ABCA9: variants seen among roughly 807,000 people sequenced by gnomAD.
ABCA9 encodes ATP binding cassette subfamily A member 9.
In ABCA9, 183 loss-of-function variants were observed where a neutral mutation model predicts 205.3. That is an observed-to-expected ratio of 0.89 (90% CI 0.79 to 1.01). The LOEUF is 1.01. Ranked by LOEUF, ABCA9 falls within the 50% of genes least tolerant of loss-of-function variation. The pLI, the probability that ABCA9 is intolerant of heterozygous loss-of-function variation, is 0.00. For missense variants in ABCA9, 1,805 were observed against 1,912.4 expected, an observed-to-expected ratio of 0.94 and a Z score of 1.05; for synonymous variants, 651 against 683.3, an observed-to-expected ratio of 0.95 and a Z score of 0.74.
At chr17:68,993,586 C>A (rs1357177574) in intron 26 of ABCA9, among the ~76,000 whole-genome samples, 1 of 152,194 alleles carries the variant, frequency 6.6e-6, no homozygotes, top group Admixed American at 6.5e-5. Context: ...GTGCATTTTT[C>A]CAACATTCCC....
intron 10 of ABCA9, among the ~76,000 whole-genome samples, 198 bp from the exon 11 acceptor site, chr17:69,029,425 A>G (rs1170911891): frequency 1.3e-5 from 2 of 152,170 alleles, no homozygotes; most frequent in Admixed American, 1.3e-4. Context: ...TAGAAGCAGA[A>G]TCCCTGATCT....
At position 69,007,834 on chromosome 17, in the gene ABCA9, G is replaced by T. The variant is rs371805756; in HGVS notation, c.3360C>A (p.Phe1120Leu). 5.0e-6 allele frequency: 8 copies of T among 1,610,430 alleles called. No homozygotes were observed. In the East Asian group the frequency reaches 1.1e-4, roughly 22 times the overall value. ...AAATGAATGAAATCACATATGTCAA[G>T]AAAACAAGAGATGAGACATAGCCAA... Reference protein sequence around the residue: ...CSIGYVSSLVFLTYVISFIFR... With the variant: ...CSIGYVSSLVLLTYVISFIFR... The change falls in exon 25 of 39, where the codon TTC becomes TTA. Residue 1120 changes from phenylalanine to leucine, a missense_variant. Phe to Leu is a conservative substitution (Grantham distance 22). Transcript: ENST00000340001.
At chr17:69,035,997 A>T (rs1376605542) in intron 6 of ABCA9, among the ~76,000 whole-genome samples, 196 bp from the exon 7 acceptor site, 1 of 152,210 alleles carries the variant, frequency 6.6e-6, no homozygotes, top group Non-Finnish European at 1.5e-5. Context: ...AGAGAGGAAA[A>T]TTGATAACTA....
At chr17:68,987,758 G>T (rs368458547) in intron 31 of ABCA9, among the ~76,000 whole-genome samples, 1,916 of 95,332 alleles carry the variant, frequency 0.02, 75 homozygotes, top group African/African-American at 0.055. Flanking sequence ...TTGTTTGTTT[G>T]TTTGTTTGTT....
At chr17:69,061,835 G>C (rs919638303), upstream of ABCA9, among the ~76,000 whole-genome samples, 17 of 152,222 alleles carry the variant, frequency 1.1e-4, no homozygotes, top group Non-Finnish European at 2.4e-4. Flanking sequence ...GAAGAAGAGG[G>C]GGGAAAGGAC....
At position 68,986,164 on chromosome 17, in the gene ABCA9, C is replaced by G. The variant is rs766481353; in HGVS notation, c.4208G>C (p.Arg1403Pro). ...RKGDAMIAIT[R>P]LVDALKLQDQ... The stretch of plus-strand genomic sequence containing the variant: ...GGGAGTGCCCCCCAGTCCCAGGTAC[C>G]GTGTGATGGCGATCATTGCGTCCCC... Residue 1403 changes from arginine (R) to proline (P), a missense_variant and splice_region_variant, in exon 32 of 39, where the codon CGG becomes CCG. Physicochemically the swap from Arg to Pro is moderately radical, Grantham distance 103. Transcript: ENST00000340001. 1 of 1,604,960 alleles carries G rather than the reference C, an allele frequency of 6.2e-7. No individual in the cohort carries two copies. Among genetic ancestry groups the G allele is most frequent in the East Asian group, 2.2e-5 (1 of 44,666 alleles).
At chr17:69,021,485 A>C (rs992268963) in intron 18 of ABCA9, among the ~76,000 whole-genome samples, 2 of 152,166 alleles carry the variant, frequency 1.3e-5, no homozygotes, top group South Asian at 4.1e-4. Flanking sequence ...TTCAGGTAAT[A>C]TCATACCATA....
chr17:69,050,341 CGA>C (rs1305483531), intron 2 of ABCA9, among the ~76,000 whole-genome samples: 103 of 61,440 alleles, frequency 1.7e-3, no homozygotes, highest in Admixed American at 8.5e-3. Flanking sequence ...CACACACACA[CGA>C]ACACACACAC....
intron 23 of ABCA9, among the ~76,000 whole-genome samples, chr17:69,009,944 A>T (rs2070308842): frequency 6.6e-6 from 1 of 152,190 alleles, no homozygotes; most frequent in South Asian, 2.1e-4. Flanking sequence ...GAAAATACTT[A>T]TACTAAAAAA....
chr17:69,069,745 A>T, the ABCA9 span, among the ~76,000 whole-genome samples: 132,969 of 151,846 alleles, frequency 0.88, 58,817 homozygotes, highest in Non-Finnish European at 0.95. Context: ...CGTTTTCAGA[A>T]TCATTAATCT....
intron 25 of ABCA9, among the ~76,000 whole-genome samples, chr17:68,999,727 G>A (rs1226618364): frequency 2.6e-5 from 4 of 152,156 alleles, no homozygotes; most frequent in Non-Finnish European, 4.4e-5. Flanking sequence ...GGTTGAACTC[G>A]TTTATAGTCC....
At chr17:69,048,137 A>G (rs964131853) in intron 3 of ABCA9, among the ~76,000 whole-genome samples, 5 of 152,164 alleles carry the variant, frequency 3.3e-5, no homozygotes, top group Admixed American at 2.6e-4. Flanking sequence ...AATTGCTCCC[A>G]TGATCCAATC....
chr17:69,018,080 T>C (rs1282310068), intron 20 of ABCA9: 1 of 375,352 alleles, frequency 2.7e-6, no homozygotes, highest in Non-Finnish European at 4.7e-6. Flanking sequence ...TCTATCTTTT[T>C]AAATTTGAAA....
At chr17:69,049,161 C>T (rs1361270969) in intron 3 of ABCA9, 122 bp downstream of exon 3, 42 of 1,112,636 alleles carry the variant, frequency 3.8e-5, no homozygotes, top group Admixed American at 3.1e-4. Context: ...AAGGAATATA[C>T]GTTAATGTTG....
chr17:69,024,777 T>A (rs146836752), intron 16 of ABCA9, among the ~76,000 whole-genome samples: 15 of 152,302 alleles, frequency 9.8e-5, no homozygotes, highest in African/African-American at 3.4e-4. Context: ...GGTGATGTGA[T>A]ACAGTCATTA....
At chr17:69,028,276 C>T (rs988404557) in intron 12 of ABCA9, among the ~76,000 whole-genome samples, 1 of 152,158 alleles carries the variant, frequency 6.6e-6, no homozygotes, top group Admixed American at 6.5e-5. Context: ...AAGTGATTCT[C>T]CTGCCTCAGT....
rs377013919 is a variant in ABCA9 at position 69,049,537 on chromosome 17, C to A, written c.97-47G>T. On this transcript the variant is annotated intron_variant, in intron 2 of 38. Coordinates refer to ENST00000340001, the MANE Select transcript of ABCA9 (RefSeq NM_080283.4). ...AGGAAACAAACTGGTAGATGTTATACCACAGATCAATCATCCACAAACAGT... is the reference window on the plus strand; with the variant it reads ...AGGAAACAAACTGGTAGATGTTATAACACAGATCAATCATCCACAAACAGT... 7.9e-5 allele frequency: 114 copies of A among 1,441,818 alleles called. 1 individual carries two copies. In the African/African-American group the frequency reaches 1.3e-3, roughly 17 times the overall value. The allele number at this position is 1,441,818 out of a possible 1,614,324, so 89.3% of individuals were successfully genotyped here. A position where few individuals can be genotyped will look rare whatever the true frequency, so the allele number is the denominator to read the frequency against.
Position 69,023,347 on chromosome 17 carries a change from C to G in ABCA9, c.2281+867G>C, listed in dbSNP as rs1203200614. The G allele has an allele frequency of 6.6e-6, 1 of 152,058 alleles. No individual in the cohort carries two copies. The highest frequency in any genetic ancestry group is 1.9e-4 in the East Asian group (1 of 5,194). 9.4% of individuals were successfully genotyped at this position (152,058 alleles called of 1,614,324 possible). A position where few individuals can be genotyped will look rare whatever the true frequency, so the allele number is the denominator to read the frequency against. Reference sequence around the variant, plus strand: ...TAATCCTCATAACAACCCTAGAGTACTATTTTAATTTTCTTTTCACAAGTG... The same window carrying G: ...TAATCCTCATAACAACCCTAGAGTAGTATTTTAATTTTCTTTTCACAAGTG... On this transcript the variant is annotated intron_variant, in intron 17 of 38. Coordinates refer to ENST00000340001, the MANE Select transcript of ABCA9 (RefSeq NM_080283.4). The surrounding 1 kb of genome is among the most constrained non-coding windows in gnomAD (Gnocchi z 4.2).
At chr17:68,977,592 G>A (rs1487137098) in intron 37 of ABCA9, among the ~76,000 whole-genome samples, 1 of 152,198 alleles carries the variant, frequency 6.6e-6, no homozygotes, top group African/African-American at 2.4e-5. Flanking sequence ...TGTGAGGCTA[G>A]GGTTTTGCTG....
Sources: gnomAD v4.1 joint callset for allele counts (sites outside exome capture counted in the v4.1 genomes callset) on GRCh38, gnomAD v4.1.1 for gene constraint, Gnocchi (gnomAD v3.1) non-coding constraint, MANE v1.5 for transcripts, NCBI Gene and HGNC (gene_info 2026-07-23, HGNC 2026-07-21) for gene names.